FBXO25: variants seen among roughly 807,000 people sequenced by gnomAD.
FBXO25 encodes the protein F-box only protein 25.
FBXO25 carries 45 observed loss-of-function variants against 51.9 expected under a neutral mutation model. The ratio of observed to expected loss-of-function variants is 0.87; its 90% CI spans 0.68 to 1.11. The LOEUF is 1.11. Among genes scored for constraint, FBXO25 ranks in the 50% most tolerant of loss-of-function variants. The probability of loss-of-function intolerance (pLI) is 0.00; values close to 1 mark genes in which losing one functional copy is unlikely to be tolerated. For missense variants in FBXO25, 507 were observed against 428.5 expected (o/e 1.18, Z -1.62); for synonymous variants, 199 against 151.0 (o/e 1.32, Z -2.33).
chr8:423,588 A>C (rs943891713), intron 2 of FBXO25, among the ~76,000 whole-genome samples: 2 of 152,168 alleles, frequency 1.3e-5, no homozygotes, highest in African/African-American at 4.8e-5. Context: ...GAATTAAGTC[A>C]AGCTCCATCC....
intron 1 of FBXO25, among the ~76,000 whole-genome samples, chr8:407,586 G>A (rs1563055442): frequency 6.6e-6 from 1 of 150,752 alleles, no homozygotes; most frequent in Non-Finnish European, 1.5e-5. Context: ...TTGCAGGCCC[G>A]AGCTTGTGTC....
rs1424556555 is a variant in FBXO25, at chr8:475,049, G to C, written c.*6245G>C. On this transcript the variant is annotated 3_prime_UTR_variant, in exon 10 of 10. Coordinates refer to ENST00000350302, the MANE Select transcript of FBXO25 (RefSeq NM_183420.2). Reference sequence around the variant, plus strand: ...CTAAGAAATCACTGCCAAATCCAATGTTGTTAAAAGTTTCCCTTATGTTTC... The same window carrying C: ...CTAAGAAATCACTGCCAAATCCAATCTTGTTAAAAGTTTCCCTTATGTTTC... The C allele has an allele frequency of 2.5e-6, 1 of 397,876 alleles. No homozygotes were observed. 24.6% of individuals were successfully genotyped at this position (397,876 alleles called of 1,614,324 possible). A position where few individuals can be genotyped will look rare whatever the true frequency, so the allele number is the denominator to read the frequency against.
chr8:430,145 C>G (rs1256789786), intron 2 of FBXO25, among the ~76,000 whole-genome samples: 1 of 152,204 alleles, frequency 6.6e-6, no homozygotes, highest in Non-Finnish European at 1.5e-5. Context: ...TTCTGGAGAA[C>G]ATTGTATTTG....
At position 473,802 on chromosome 8, in the gene FBXO25, A is replaced by G. The variant is rs1274335598; in HGVS notation, c.*4998A>G. The G allele has an allele frequency of 6.6e-6, 1 of 152,160 alleles. No individual in the cohort carries two copies. Among genetic ancestry groups the G allele is most frequent in the Non-Finnish European group, 1.5e-5 (1 of 68,030 alleles). 9.4% of individuals were successfully genotyped at this position (152,160 alleles called of 1,614,324 possible). On this transcript the variant is annotated 3_prime_UTR_variant, in exon 10 of 10. Coordinates refer to ENST00000350302, the MANE Select transcript of FBXO25 (RefSeq NM_183420.2). ...TGTGTCAAATAGAAGAGACACCTCA[A>G]CTGTCTCGTTTTTGCATGGAAATTT... is the stretch of plus-strand genomic sequence containing the variant.
intron 7 of FBXO25, among the ~76,000 whole-genome samples, chr8:451,770 G>T (rs567944056): frequency 1.3e-5 from 2 of 152,270 alleles, no homozygotes; most frequent in East Asian, 1.9e-4. Context: ...AGGCTAAATT[G>T]TGTTGCCAGT....
At chr8:423,090 TC>T (rs1797251750) in intron 2 of FBXO25, among the ~76,000 whole-genome samples, 1 of 152,200 alleles carries the variant, frequency 6.6e-6, no homozygotes, top group Admixed American at 6.5e-5. Flanking sequence ...AAAAGCCCCT[TC>T]CCTGCTGTGT....
intron 5 of FBXO25, among the ~76,000 whole-genome samples, chr8:449,403 A>G (rs1312879363): frequency 6.6e-6 from 1 of 152,208 alleles, no homozygotes; most frequent in Non-Finnish European, 1.5e-5. Context: ...GGGATTTGTT[A>G]CTGTGGCTTC....
At chr8:431,679 C>T (rs1362205533) in intron 3 of FBXO25, among the ~76,000 whole-genome samples, 1 of 152,174 alleles carries the variant, frequency 6.6e-6, no homozygotes, top group Admixed American at 6.5e-5. Context: ...GCCCATGAAT[C>T]TGAATGCTTG....
rs1403234695 is a variant in FBXO25 at position 463,132 on chromosome 8, C to T, written c.969C>T (p.Cys323=). The change falls in exon 9 of 10, where the codon TGC becomes TGT. Residue 323 remains cysteine, a synonymous_variant. Transcript: ENST00000350302. ...YGDTLHFCRH[C]SILFWKDSGH... is the part of the protein sequence containing the mutation. The stretch of plus-strand genomic sequence containing the variant: ...ACACACTGCATTTCTGTCGGCACTG[C>T]AGCATTCTCTTTTGGAAGGTACTGA... The T allele has an allele frequency of 6.2e-7, 1 of 1,611,698 alleles. No individual in the cohort carries two copies. The highest frequency in any genetic ancestry group is 1.7e-5 in the Admixed American group (1 of 59,346).
intron 5 of FBXO25, among the ~76,000 whole-genome samples, chr8:445,743 C>T (rs975283440): frequency 1.3e-5 from 2 of 152,158 alleles, no homozygotes; most frequent in African/African-American, 2.4e-5. Flanking sequence ...TGGTGGCATG[C>T]ACCTATAATG....
chr8:460,843 CT>C (rs1169727755), intron 8 of FBXO25, among the ~76,000 whole-genome samples: 7 of 152,162 alleles, frequency 4.6e-5, no homozygotes, highest in African/African-American at 1.7e-4. Context: ...TGCAAGTAGT[CT>C]TCTTTTCAAA....
intron 2 of FBXO25, among the ~76,000 whole-genome samples, chr8:430,454 T>A (rs1473560367): frequency 6.6e-6 from 1 of 152,158 alleles, no homozygotes; most frequent in East Asian, 1.9e-4. Flanking sequence ...TTTTTTTTTT[T>A]AATAAAAGTG....
In FBXO25 at chr8:472,289, C is replaced by T. The variant is rs977129020; in HGVS notation, c.*3485C>T. The T allele has an allele frequency of 1.3e-5, 2 of 152,150 alleles. No individual in the cohort carries two copies. The highest frequency in any genetic ancestry group is 2.9e-5 in the Non-Finnish European group (2 of 68,032). 9.4% of individuals were successfully genotyped at this position (152,150 alleles called of 1,614,324 possible). On this transcript the variant is annotated 3_prime_UTR_variant, in exon 10 of 10. Transcript: ENST00000350302. ...GAAAGGGTGTGGATTTTGTCAAATG[C>T]TTTTTCTGCATCTCTTAAGATAATG... is the stretch of plus-strand genomic sequence containing the variant.
intron 2 of FBXO25, among the ~76,000 whole-genome samples, chr8:422,490 G>T (rs1208535653): frequency 6.6e-6 from 1 of 152,072 alleles, no homozygotes; most frequent in Admixed American, 6.5e-5. Flanking sequence ...GCAGCAGACG[G>T]GCTCTGGTGG....
rs535410177 is a variant in FBXO25 at position 413,102 on chromosome 8, G to C, written c.23G>C (p.Trp8Ser). Residue 8 changes from tryptophan (W) to serine (S), a missense_variant, in exon 2 of 10, where the codon TGG becomes TCG. Trp to Ser is a radical substitution (Grantham distance 177). Transcript: ENST00000350302. MPFLGQD[W>S]RSPGWSWIKT... The stretch of plus-strand genomic sequence containing the variant: ...ACTATGCCATTTTTGGGTCAGGACT[G>C]GAGATCTCCTGGATGGAGTTGGATT... 2.5e-6 allele frequency: 4 copies of C among 1,595,408 alleles called. No individual in the cohort carries two copies. The African/African-American group carries it at 4.1e-5, about 16-fold the overall frequency.
chr8:422,381 T>C (rs114468516), intron 2 of FBXO25, among the ~76,000 whole-genome samples: 9,616 of 152,304 alleles, frequency 0.063, 323 homozygotes, highest in Middle Eastern at 0.085. Flanking sequence ...AATTGACCGG[T>C]ACTCTTCAAG....
intron 5 of FBXO25, among the ~76,000 whole-genome samples, chr8:440,694 C>G (rs6996501): frequency 1.3e-5 from 2 of 150,766 alleles, no homozygotes; most frequent in African/African-American, 5.0e-5. Flanking sequence ...CCCATCAACC[C>G]GTCATCTACA....
Position 473,504 on chromosome 8 carries a change from G to C in FBXO25, c.*4700G>C, listed in dbSNP as rs528677582. On this transcript the variant is annotated 3_prime_UTR_variant, in exon 10 of 10. Transcript: ENST00000350302. ...ACGTGGATCTGCCATTGCTTTTCAC[G>C]TGAATGCCTAGGAGAGGCTGTTAAC... 5 of 152,316 alleles carry C rather than the reference G, an allele frequency of 3.3e-5. No homozygotes were observed. In the East Asian group the frequency reaches 7.7e-4, roughly 24 times the overall value. 9.4% of individuals were successfully genotyped at this position (152,316 alleles called of 1,614,324 possible).
intron 9 of FBXO25, chr8:467,848 G>C: frequency 2.5e-6 from 4 of 1,593,374 alleles, no homozygotes; most frequent in Non-Finnish European, 3.4e-6. Context: ...CTCGATTCCA[G>C]CTCTCGCTGA....
Sources: allele counts gnomAD v4.1 joint callset (sites outside exome capture counted in the v4.1 genomes callset), GRCh38; gene constraint gnomAD v4.1.1; transcripts MANE v1.5; gene names NCBI Gene and HGNC (gene_info 2026-07-23, HGNC 2026-07-21).